Variants in EML1 observed in about 807,000 individuals in gnomAD.
The protein encoded by EML1 is echinoderm microtubule-associated protein-like 1.
EML1 carries 27 observed loss-of-function variants against 110.4 expected under a neutral mutation model. That is an observed-to-expected ratio of 0.24 (90% CI 0.18 to 0.34). EML1 has a LOEUF of 0.34. Ranked by LOEUF, EML1 falls within the 10% of genes least tolerant of loss-of-function variation. The pLI is 1.00. For missense variants in EML1, 741 were observed against 1,030.9 expected (o/e 0.72, Z 3.85); for synonymous variants, 344 against 385.8 (o/e 0.89, Z 1.27).
At chr14:99,857,472 C>T (rs753286645) in intron 2 of EML1, among the ~76,000 whole-genome samples, 7 of 152,020 alleles carry the variant, frequency 4.6e-5, no homozygotes, top group African/African-American at 1.2e-4. Flanking sequence ...TTAAAATGTA[C>T]GATTCATTGA....
Position 99,835,061 on chromosome 14 carries a change from A to G in EML1, c.68-15792A>G, listed in dbSNP as rs145381957. On this transcript the variant is annotated intron_variant, in intron 1 of 21. Transcript: ENST00000262233. ...AGTCTCAAACTCCTGAGCTCAAGCAATCCACCTGCCTCAGCCTCCCAAAGT... is the reference window on the plus strand; with the variant it reads ...AGTCTCAAACTCCTGAGCTCAAGCAGTCCACCTGCCTCAGCCTCCCAAAGT... Among the ~76,000 whole-genome samples the G allele has an allele frequency of 9.9e-3, 1,504 of 151,942 alleles. 22 individuals carry two copies. The highest frequency in any genetic ancestry group is 0.033 in the African/African-American group (1,370 of 41,444).
intron 1 of EML1, among the ~76,000 whole-genome samples, chr14:99,751,962 A>G (rs1268310450): frequency 6.6e-6 from 1 of 152,140 alleles, no homozygotes; most frequent in African/African-American, 2.4e-5. Context: ...TGGCAGCAGG[A>G]GGGAATGTTC....
upstream of EML1, among the ~76,000 whole-genome samples, chr14:99,791,303 G>T (rs2057667750): frequency 6.6e-6 from 1 of 152,134 alleles, no homozygotes; most frequent in Non-Finnish European, 1.5e-5. Flanking sequence ...CATCCTCCTT[G>T]ACTCTTCCTG....
chr14:99,777,741 C>T (rs752363765), intron 1 of EML1, among the ~76,000 whole-genome samples: 2 of 152,154 alleles, frequency 1.3e-5, no homozygotes, highest in Non-Finnish European at 2.9e-5. Context: ...CTTGAAATAA[C>T]ATGCATATAC....
intron 16 of EML1, among the ~76,000 whole-genome samples, chr14:99,919,425 GACACACACACACACACAC>G (rs376238109): frequency 1.0e-5 from 1 of 97,470 alleles, no homozygotes; most frequent in Non-Finnish European, 2.4e-5. Context: ...CATGCACACA[GACACACACACACACACAC>G]ACACACACAC....
chr14:99,891,687 A>G (rs1271011428), intron 5 of EML1, among the ~76,000 whole-genome samples: 2 of 152,236 alleles, frequency 1.3e-5, no homozygotes, highest in Non-Finnish European at 2.9e-5. Context: ...CTGCAAACTA[A>G]TAGTTCATGT....
At chr14:99,853,181 T>A (rs1278899993) in intron 2 of EML1, among the ~76,000 whole-genome samples, 2 of 152,314 alleles carry the variant, frequency 1.3e-5, no homozygotes, top group East Asian at 3.9e-4. Context: ...TGATATTTCT[T>A]TATAAACATT....
intron 1 of EML1, among the ~76,000 whole-genome samples, chr14:99,843,226 G>A (rs2058659667): frequency 6.6e-6 from 1 of 152,084 alleles, no homozygotes; most frequent in Non-Finnish European, 1.5e-5. Flanking sequence ...ACTCCAGCCT[G>A]GGCAACAGAG....
intron 17 of EML1, among the ~76,000 whole-genome samples, chr14:99,925,217 T>C (rs1278662343): frequency 6.6e-6 from 1 of 152,048 alleles, no homozygotes; most frequent in African/African-American, 2.4e-5. Context: ...TGTGGGAAGG[T>C]TTTTAATTAC....
chr14:99,749,101 G>A (rs116626011), intron 1 of EML1, among the ~76,000 whole-genome samples: 136 of 152,322 alleles, frequency 8.9e-4, no homozygotes, highest in African/African-American at 3.0e-3. Flanking sequence ...TGGCCATGAT[G>A]AGTAACGCTG....
intron 19 of EML1, among the ~76,000 whole-genome samples, chr14:99,937,148 A>G (rs1378640384): frequency 1.3e-5 from 2 of 152,130 alleles, no homozygotes; most frequent in Admixed American, 1.3e-4. Context: ...CTTGTTGAGG[A>G]CCAGGACAGG....
At chr14:99,921,203 G>A (rs925838772) in intron 17 of EML1, among the ~76,000 whole-genome samples, 1 of 152,074 alleles carries the variant, frequency 6.6e-6, no homozygotes, top group East Asian at 1.9e-4. Context: ...TTGGTATGCT[G>A]AGGATAACAG....
At position 99,781,295 on chromosome 14, in the gene EML1, G is replaced by A. The variant is rs561950009; in HGVS notation, c.-27+7282G>A. Among the ~76,000 whole-genome samples, 2 of 151,954 alleles carry A rather than the reference G, an allele frequency of 1.3e-5. No homozygotes were observed. The highest frequency in any genetic ancestry group is 4.8e-5 in the African/African-American group (2 of 41,416). On this transcript the variant is annotated intron_variant, in intron 1 of 22. Coordinates refer to the EML1 transcript ENST00000327921. This position sits in a 1 kb window ranked among gnomAD's most constrained non-coding sequence, Gnocchi z 4.2. ...CTCCTCCCCCACCACCTGTTTCCTG[G>A]CCAGCTCTAGCCCTAAGGCCCTGCC...
intron 1 of EML1, among the ~76,000 whole-genome samples, chr14:99,824,001 G>C (rs2139753945): frequency 6.6e-6 from 1 of 152,222 alleles, no homozygotes; most frequent in African/African-American, 2.4e-5. Context: ...CGCCAGGCTG[G>C]AATGGAGTGC....
chr14:99,754,764 AC>A (rs1178163151), intron 1 of EML1, among the ~76,000 whole-genome samples: 2 of 152,092 alleles, frequency 1.3e-5, no homozygotes, highest in African/African-American at 4.8e-5. Flanking sequence ...CAGTTTCCTC[AC>A]CTATAACGTG....
rs1480256871 is a variant in EML1, at chr14:99,917,868, C to T, written c.1820+19C>T. ...CTGGGAGGTAAGTCCATGCCAACAG[C>T]GCTTGTGCTTGCAAAGCTTATGGAA... On this transcript the variant is annotated intron_variant, in intron 16 of 21. Transcript: ENST00000262233. 24 of 1,613,384 alleles carry T rather than the reference C, an allele frequency of 1.5e-5. No homozygotes were observed. The highest frequency in any genetic ancestry group is 1.9e-5 in the Non-Finnish European group (23 of 1,179,500).
At chr14:99,776,503 C>CAA (rs530358372) in intron 1 of EML1, among the ~76,000 whole-genome samples, 1 of 108,884 alleles carries the variant, frequency 9.2e-6, no homozygotes, top group Admixed American at 9.8e-5. Flanking sequence ...GACTCCATCT[C>CAA]AAAAAAAAAA....
At chr14:99,783,182 C>T (rs1364345586) in intron 1 of EML1, among the ~76,000 whole-genome samples, 1 of 137,260 alleles carries the variant, frequency 7.3e-6, no homozygotes, top group Non-Finnish European at 1.5e-5. Flanking sequence ...TGATGTTCCC[C>T]TTCCTGTGTC....
In EML1 at chr14:99,814,350, A is replaced by T. The variant is rs1006822121; in HGVS notation, c.67+20807A>T. 3.9e-5 allele frequency among the ~76,000 whole-genome samples: 6 copies of T among 152,304 alleles called. No individual in the cohort carries two copies. In the East Asian group the frequency reaches 1.2e-3, roughly 29 times the overall value. On this transcript the variant is annotated intron_variant, in intron 1 of 21. Coordinates refer to ENST00000262233, the MANE Select transcript of EML1 (RefSeq NM_004434.3). Reference sequence around the variant, plus strand: ...CAGTTTCTTGGCATGATCCTGGCTCACTATAATCTCGAACTCCTGGGCTCA... The same window carrying T: ...CAGTTTCTTGGCATGATCCTGGCTCTCTATAATCTCGAACTCCTGGGCTCA...
Sources: gnomAD v4.1 joint callset for allele counts (sites outside exome capture counted in the v4.1 genomes callset) on GRCh38, gnomAD v4.1.1 for gene constraint, Gnocchi (gnomAD v3.1) non-coding constraint, MANE v1.5 for transcripts, NCBI Gene and HGNC (gene_info 2026-07-23, HGNC 2026-07-21) for gene names.